Variants in SLC25A28 observed in about 807,000 individuals in gnomAD.
SLC25A28 encodes the protein solute carrier family 25 member 28.
A neutral mutation model predicts 31.9 loss-of-function variants in SLC25A28; 10 were observed. The observed-to-expected ratio is 0.31, with a 90% CI of 0.19 to 0.53. SLC25A28 has a LOEUF of 0.53. SLC25A28 is among the 20% of genes least tolerant of loss of function. The probability of loss-of-function intolerance (pLI) is 0.95; values close to 1 mark genes in which losing one functional copy is unlikely to be tolerated. For synonymous variants in SLC25A28, 208 were observed against 203.6 expected, an observed-to-expected ratio of 1.02 and a Z score of -0.19; for missense variants, 256 against 490.3, an observed-to-expected ratio of 0.52 and a Z score of 4.51.
chr10:99,612,695 A>G (rs762223914), intron 2 of SLC25A28, 96 bp from the exon 3 acceptor site: 5 of 1,368,376 alleles, frequency 3.7e-6, no homozygotes, highest in African/African-American at 1.4e-5. Flanking sequence ...GCTACACTAC[A>G]GCGGGGAAAA....
At chr10:99,645,876 A>C in the SLC25A28 span, among the ~76,000 whole-genome samples, 4 of 152,334 alleles carry the variant, frequency 2.6e-5, no homozygotes, top group African/African-American at 9.6e-5. Flanking sequence ...GCAGAACAGC[A>C]AATATTGCAG....
upstream of SLC25A28, among the ~76,000 whole-genome samples, chr10:99,624,448 G>A (rs1590004090): frequency 5.9e-5 from 9 of 152,208 alleles, no homozygotes; most frequent in South Asian, 1.9e-3. Context: ...GCTAGACCTT[G>A]GACCACACTT....
the SLC25A28 span, among the ~76,000 whole-genome samples, chr10:99,631,790 T>C: frequency 7.9e-5 from 12 of 151,588 alleles, no homozygotes; most frequent in Non-Finnish European, 1.3e-4. Flanking sequence ...GCCCTCTGTA[T>C]CCATGGGTTC....
the SLC25A28 span, among the ~76,000 whole-genome samples, chr10:99,630,698 A>G: frequency 6.6e-6 from 1 of 152,332 alleles, no homozygotes; most frequent in Non-Finnish European, 1.5e-5. Context: ...CAGGCCTTAA[A>G]CGAAGTCCTA....
chr10:99,613,377 A>G lies in SLC25A28; in HGVS notation c.520+319T>C, dbSNP rs2034575468. 8.1e-7 allele frequency: 1 copy of G among 1,232,072 alleles called. No individual in the cohort carries two copies. The highest frequency in any genetic ancestry group is 1.0e-6 in the Non-Finnish European group (1 of 974,230). The allele number at this position is 1,232,072 out of a possible 1,614,324, so 76.3% of individuals were successfully genotyped here. ...GGAGCAGGACACCACCCAACTGTCA[A>G]ACATAGACTGGGGGTAGTTCAGTGT... On this transcript the variant is annotated intron_variant, in intron 2 of 3. Transcript: ENST00000370495. The surrounding 1 kb of genome is among the most constrained non-coding windows in gnomAD (Gnocchi z 4.9).
At chr10:99,655,564 C>T in the SLC25A28 span, among the ~76,000 whole-genome samples, 1 of 152,116 alleles carries the variant, frequency 6.6e-6, no homozygotes, top group African/African-American at 2.4e-5. Context: ...CGCCCAGCCC[C>T]ATTATGAAAA....
the SLC25A28 span, among the ~76,000 whole-genome samples, chr10:99,634,358 C>G: frequency 4.0e-5 from 6 of 151,704 alleles, no homozygotes; most frequent in Admixed American, 1.3e-4. Context: ...TAGGGAGGCA[C>G]CAGAGAAAGG....
At chr10:99,642,866 G>A in the SLC25A28 span, among the ~76,000 whole-genome samples, 5 of 152,022 alleles carry the variant, frequency 3.3e-5, no homozygotes, top group African/African-American at 7.3e-5. Context: ...GCTGGATTAT[G>A]TTTATTAATT....
At chr10:99,648,693 T>TG in the SLC25A28 span, among the ~76,000 whole-genome samples, 1 of 151,204 alleles carries the variant, frequency 6.6e-6, no homozygotes, top group Admixed American at 6.6e-5. Flanking sequence ...TAGGTTTTTT[T>TG]TTTTTTTTTT....
At chr10:99,638,002 A>G in the SLC25A28 span, among the ~76,000 whole-genome samples, 1 of 152,208 alleles carries the variant, frequency 6.6e-6, no homozygotes, top group Non-Finnish European at 1.5e-5. Flanking sequence ...AAGACTAAGC[A>G]TAAAGAACAA....
At chr10:99,624,986 G>A (rs527421270), upstream of SLC25A28, among the ~76,000 whole-genome samples, 1 of 152,180 alleles carries the variant, frequency 6.6e-6, no homozygotes, top group East Asian at 1.9e-4. Flanking sequence ...TCTTGGTCTT[G>A]CTGACTTCAA....
chr10:99,634,247 C>A, the SLC25A28 span, among the ~76,000 whole-genome samples: 2 of 152,056 alleles, frequency 1.3e-5, no homozygotes, highest in East Asian at 1.9e-4. Flanking sequence ...CTCTTTTACA[C>A]CCTCAAAAAA....
intron 1 of SLC25A28, chr10:99,616,714 T>C: frequency 1.0e-6 from 1 of 985,442 alleles, no homozygotes; most frequent in Non-Finnish European, 1.2e-6. Flanking sequence ...GTAATCTGCT[T>C]TTGGGAAGCT....
the SLC25A28 span, among the ~76,000 whole-genome samples, chr10:99,631,092 A>G: frequency 6.6e-6 from 1 of 152,208 alleles, no homozygotes; most frequent in African/African-American, 2.4e-5. Flanking sequence ...TTGTGAGGCC[A>G]GATGAAGCAT....
chr10:99,615,771 A>G, intron 1 of SLC25A28: 1 of 985,398 alleles, frequency 1.0e-6, no homozygotes, highest in Non-Finnish European at 1.2e-6. Context: ...AGATAAATTG[A>G]GCCTCTTAGC....
intron 1 of SLC25A28, chr10:99,617,247 A>G: frequency 1.0e-5 from 10 of 985,412 alleles, no homozygotes; most frequent in Non-Finnish European, 1.2e-5. Flanking sequence ...ACTGGGATTT[A>G]TCTGGGCTCC....
chr10:99,610,631 C>A lies in SLC25A28; in HGVS notation c.*218G>T. On this transcript the variant is annotated 3_prime_UTR_variant, in exon 4 of 4. Coordinates refer to ENST00000370495, the MANE Select transcript of SLC25A28 (RefSeq NM_031212.4). ...GGATGGAGAGAGGTTATCAAAGGTG[C>A]TGTGGTGTGCTTTGCTGCACGTGCT... The A allele has an allele frequency of 3.4e-6, 2 of 583,164 alleles. No individual in the cohort carries two copies. Among genetic ancestry groups the A allele is most frequent in the South Asian group, 2.0e-5 (1 of 49,054 alleles). 36.1% of individuals were successfully genotyped at this position (583,164 alleles called of 1,614,324 possible). A position where few individuals can be genotyped will look rare whatever the true frequency, so the allele number is the denominator to read the frequency against.
the SLC25A28 span, among the ~76,000 whole-genome samples, chr10:99,635,396 C>T: frequency 5.3e-5 from 8 of 152,050 alleles, no homozygotes; most frequent in Admixed American, 3.3e-4. Flanking sequence ...AAGAACTCAC[C>T]AACTGCTGGG....
chr10:99,647,177 G>T, the SLC25A28 span, among the ~76,000 whole-genome samples: 1 of 152,046 alleles, frequency 6.6e-6, no homozygotes, highest in Non-Finnish European at 1.5e-5. Context: ...GGATATATAC[G>T]CATTGGTGGG....
Sources: gnomAD v4.1 joint callset for allele counts (sites outside exome capture counted in the v4.1 genomes callset) on GRCh38, gnomAD v4.1.1 for gene constraint, Gnocchi (gnomAD v3.1) non-coding constraint, MANE v1.5 for transcripts, NCBI Gene and HGNC (gene_info 2026-07-23, HGNC 2026-07-21) for gene names.